Variants in SPATS2 observed in about 807,000 individuals in gnomAD.
SPATS2 encodes the protein spermatogenesis-associated serine-rich protein 2.
SPATS2 carries 38 observed loss-of-function variants against 63.7 expected under a neutral mutation model. The ratio of observed to expected loss-of-function variants is 0.60; its 90% CI spans 0.46 to 0.78. SPATS2 has a LOEUF of 0.78. Ranked by LOEUF, SPATS2 falls within the 30% of genes least tolerant of loss-of-function variation. SPATS2 has a pLI of 0.00. For synonymous variants in SPATS2, 207 were observed against 232.9 expected (o/e 0.89, Z 1.01); for missense variants, 588 against 666.2 (o/e 0.88, Z 1.29).
At chr12:49,429,921 C>T (rs1217989462) in intron 2 of SPATS2, among the ~76,000 whole-genome samples, 10 of 150,466 alleles carry the variant, frequency 6.6e-5, no homozygotes, top group African/African-American at 2.4e-4. Context: ...GCTGGGATTA[C>T]AGGGACGCGC....
chr12:49,489,105 G>A (rs1028002400), intron 4 of SPATS2, among the ~76,000 whole-genome samples: 27 of 152,106 alleles, frequency 1.8e-4, no homozygotes, highest in African/African-American at 6.0e-4. Flanking sequence ...TGTTATTGTT[G>A]CTAGTTCATT....
At chr12:49,449,586 T>G (rs1193664134) in intron 2 of SPATS2, among the ~76,000 whole-genome samples, 1 of 152,176 alleles carries the variant, frequency 6.6e-6, no homozygotes, top group East Asian at 1.9e-4. Context: ...GACTGGGTAA[T>G]TTATAAAGGA....
At chr12:49,401,570 T>C (rs1944605653) in intron 2 of SPATS2, among the ~76,000 whole-genome samples, 1 of 152,256 alleles carries the variant, frequency 6.6e-6, no homozygotes, top group African/African-American at 2.4e-5. Context: ...AAATATTTCA[T>C]GTTTCTCTAA....
At chr12:49,457,854 A>G (rs921881999) in intron 2 of SPATS2, among the ~76,000 whole-genome samples, 4 of 152,136 alleles carry the variant, frequency 2.6e-5, no homozygotes, top group Non-Finnish European at 5.9e-5. Flanking sequence ...AGTGTGCCCT[A>G]TCCAGGGGTA....
intron 2 of SPATS2, among the ~76,000 whole-genome samples, chr12:49,392,358 C>A (rs962208241): frequency 1.3e-5 from 2 of 151,676 alleles, no homozygotes; most frequent in African/African-American, 4.8e-5. Context: ...AAGTTATATT[C>A]CTTCTGTATG....
intron 2 of SPATS2, among the ~76,000 whole-genome samples, chr12:49,438,272 A>G (rs1395500778): frequency 6.6e-6 from 1 of 152,198 alleles, no homozygotes; most frequent in East Asian, 1.9e-4. Context: ...GCTATGTTGT[A>G]TGTAGCAGTG....
chr12:49,443,347 G>C (rs933999966), intron 2 of SPATS2, among the ~76,000 whole-genome samples: 4 of 152,104 alleles, frequency 2.6e-5, no homozygotes, highest in African/African-American at 7.2e-5. Context: ...TTCTTTCCCT[G>C]TTGAATTTTC....
chr12:49,504,770 C>CTTTTTTTTTTTTTT (rs745453843), intron 9 of SPATS2, among the ~76,000 whole-genome samples: 1 of 98,858 alleles, frequency 1.0e-5, no homozygotes, highest in Non-Finnish European at 2.1e-5. Context: ...TTCTTTCTTT[C>CTTTTTTTTTTTTTT]TTTTTTTTTT....
At chr12:49,423,234 G>A (rs1945015155) in intron 2 of SPATS2, among the ~76,000 whole-genome samples, 1 of 151,704 alleles carries the variant, frequency 6.6e-6, no homozygotes, top group South Asian at 2.1e-4. Context: ...ATGGGTTCAA[G>A]CGATTCTCCT....
intron 9 of SPATS2, among the ~76,000 whole-genome samples, chr12:49,514,049 C>T (rs1191524471): frequency 1.3e-5 from 2 of 151,288 alleles, no homozygotes; most frequent in African/African-American, 2.4e-5. Flanking sequence ...CCAAGCTACT[C>T]GGGAGGCTGA....
chr12:49,413,571 A>G (rs1280458683), intron 2 of SPATS2, among the ~76,000 whole-genome samples: 5 of 151,846 alleles, frequency 3.3e-5, no homozygotes, highest in African/African-American at 1.2e-4. Flanking sequence ...CTGGTCACAA[A>G]TTATTTTCAT....
At chr12:49,397,260 G>A (rs1053270705) in intron 2 of SPATS2, among the ~76,000 whole-genome samples, 2 of 152,082 alleles carry the variant, frequency 1.3e-5, no homozygotes, top group African/African-American at 4.8e-5. Flanking sequence ...AGCATCCTAA[G>A]CTTTATTTTC....
intron 5 of SPATS2, among the ~76,000 whole-genome samples, chr12:49,489,795 A>G (rs1035170060): frequency 4.6e-5 from 7 of 152,214 alleles, no homozygotes; most frequent in Admixed American, 6.5e-5. Flanking sequence ...TTCACGCTAA[A>G]TGTTCTCTAA....
At chr12:49,460,013 C>A (rs1370828231) in intron 2 of SPATS2, among the ~76,000 whole-genome samples, 1 of 150,982 alleles carries the variant, frequency 6.6e-6, no homozygotes, top group African/African-American at 2.4e-5. Context: ...GAGGCCGAGG[C>A]AGGAGAATCG....
rs1166067157 is a variant in SPATS2 at position 49,526,138 on chromosome 12, T to C, written c.1521T>C (p.Ser507=). Residue 507 remains serine (S), a synonymous_variant, in exon 14 of 14, where the codon TCT becomes TCC. Transcript: ENST00000552918. ...CCATTGAAAGAGGCCAGACTCACTC[T>C]GCAGGGACCAATGGAACTGGAGTCA... The part of the protein sequence containing the change: ...GNTIERGQTH[S]AGTNGTGVSM... The C allele has an allele frequency of 1.9e-6, 3 of 1,614,220 alleles. No individual in the cohort carries two copies. The highest frequency in any genetic ancestry group is 2.5e-6 in the Non-Finnish European group (3 of 1,180,050).
At chr12:49,513,496 C>CT (rs1465674483) in intron 9 of SPATS2, among the ~76,000 whole-genome samples, 1 of 152,064 alleles carries the variant, frequency 6.6e-6, no homozygotes, top group Non-Finnish European at 1.5e-5. Context: ...AGGCTGTGGG[C>CT]TCTTTTATAA....
chr12:49,395,789 A>G (rs1214320818), intron 2 of SPATS2, among the ~76,000 whole-genome samples: 1 of 152,138 alleles, frequency 6.6e-6, no homozygotes, highest in African/African-American at 2.4e-5. Flanking sequence ...CCCTCCTGAC[A>G]AATCTTTTGT....
intron 2 of SPATS2, among the ~76,000 whole-genome samples, chr12:49,396,599 T>G (rs919490949): frequency 6.6e-6 from 1 of 152,232 alleles, no homozygotes; most frequent in Non-Finnish European, 1.5e-5. Context: ...CTCTACCACA[T>G]GTGTAGTATG....
At chr12:49,371,916 G>C (rs1944004330) in intron 2 of SPATS2, among the ~76,000 whole-genome samples, 1 of 151,302 alleles carries the variant, frequency 6.6e-6, no homozygotes, top group Non-Finnish European at 1.5e-5. Context: ...AGATTTGGTG[G>C]TGACACAGAT....
Sources: allele counts gnomAD v4.1 joint callset (sites outside exome capture counted in the v4.1 genomes callset), GRCh38; gene constraint gnomAD v4.1.1; transcripts MANE v1.5; gene names NCBI Gene and HGNC (gene_info 2026-07-23, HGNC 2026-07-21).